Variants in FER1L5 observed in about 807,000 individuals in gnomAD.
FER1L5 encodes the protein fer-1 like family member 5, also known as fer-1-like protein 5.
FER1L5 carries 187 observed loss-of-function variants against 279.9 expected under a neutral mutation model. The observed-to-expected ratio is 0.67, with a 90% CI of 0.59 to 0.75. The LOEUF (loss-of-function observed/expected upper bound fraction) is 0.75, where lower values mean the gene tolerates loss of function less well. Ranked by LOEUF, FER1L5 falls within the 30% of genes least tolerant of loss-of-function variation. The pLI is 0.00. For synonymous variants in FER1L5, 921 were observed against 989.7 expected, an observed-to-expected ratio of 0.93 and a Z score of 1.30; for missense variants, 2,091 against 2,594.4, an observed-to-expected ratio of 0.81 and a Z score of 4.21.
chr2:96,677,559 C>A (rs891270540), intron 19 of FER1L5, among the ~76,000 whole-genome samples: 6 of 152,110 alleles, frequency 3.9e-5, no homozygotes, highest in Admixed American at 1.3e-4. Context: ...ATTGTTCCCA[C>A]CTCTTAGCTA....
intron 19 of FER1L5, among the ~76,000 whole-genome samples, chr2:96,677,664 G>A (rs1322843431): frequency 1.3e-5 from 2 of 151,934 alleles, no homozygotes; most frequent in Admixed American, 6.6e-5. Flanking sequence ...TCGGGAGTTC[G>A]AGACCAGCCT....
chr2:96,668,321 C>T (rs768013804), intron 14 of FER1L5, among the ~76,000 whole-genome samples: 4 of 151,330 alleles, frequency 2.6e-5, no homozygotes, highest in African/African-American at 4.9e-5. Flanking sequence ...CCCAGGAGTT[C>T]GAGACCAGCT....
rs2077058768 is a variant in FER1L5, at chr2:96,689,481, A to AGAGGGCCGAGGTGCACCAGGCC, written c.2525+106_2525+127dup. 6.7e-7 allele frequency: 1 copy of AGAGGGCCGAGGTGCACCAGGCC among 1,502,972 alleles called. No individual in the cohort carries two copies. Among genetic ancestry groups the AGAGGGCCGAGGTGCACCAGGCC allele is most frequent in the African/African-American group, 1.4e-5 (1 of 71,160 alleles). 93.1% of individuals were successfully genotyped at this position (1,502,972 alleles called of 1,614,324 possible). On this transcript the variant is annotated intron_variant, in intron 25 of 52. Coordinates refer to ENST00000624922, the MANE Select transcript of FER1L5 (RefSeq NM_001293083.2). This position sits in a 1 kb window ranked among gnomAD's most constrained non-coding sequence, Gnocchi z 4.6. The stretch of plus-strand genomic sequence containing the variant: ...GTACCTAGCCCCTAAGCCTGGTGCC[A>AGAGGGCCGAGGTGCACCAGGCC]GAGGGCCGAGGTGCACCAGGCCAAG...
At chr2:96,697,990 A>G (rs1382452794) in intron 39 of FER1L5, 47 bp from the exon 40 acceptor site, 2 of 1,534,016 alleles carry the variant, frequency 1.3e-6, no homozygotes, top group East Asian at 2.5e-5. Flanking sequence ...CCATCTCCTA[A>G]TCACGGGAAC....
rs77637970 is a variant in FER1L5 at position 96,658,195 on chromosome 2, T to C, written c.748-2146T>C. Among the ~76,000 whole-genome samples, 9 of 151,078 alleles carry C rather than the reference T, an allele frequency of 6.0e-5. No homozygotes were observed. The East Asian group carries it at 1.8e-3, about 30-fold the overall frequency. Reference sequence around the variant, plus strand: ...CTACGTGTGGGCTAATTTTCGTATTTTTAGTAGAGACAGGTTTTCACCATG... The same window carrying C: ...CTACGTGTGGGCTAATTTTCGTATTCTTAGTAGAGACAGGTTTTCACCATG... On this transcript the variant is annotated intron_variant, in intron 9 of 52. Transcript: ENST00000624922.
chr2:96,700,064 C>G lies in FER1L5; in HGVS notation c.4914C>G (p.Phe1638Leu). 1.2e-6 allele frequency: 2 copies of G among 1,613,842 alleles called. No homozygotes were observed. The highest frequency in any genetic ancestry group is 2.7e-5 in the African/African-American group (2 of 75,052). ...CTGTTTTCTATAATGGGAAAAAGTTCAAGCTGCAAAGCTTTGGTGAGCAGC... is the reference window on the plus strand; with the variant it reads ...CTGTTTTCTATAATGGGAAAAAGTTGAAGCTGCAAAGCTTTGGTGAGCAGC... ...EDAVFYNGKK[F>L]KLQSFEPKTP... Residue 1638 changes from phenylalanine (F) to leucine (L), a missense_variant, in exon 44 of 53, where the codon TTC (phenylalanine) becomes TTG (leucine). Physicochemically the swap from Phe to Leu is conservative, Grantham distance 22. Coordinates refer to ENST00000624922, the MANE Select transcript of FER1L5 (RefSeq NM_001293083.2).
intron 9 of FER1L5, among the ~76,000 whole-genome samples, chr2:96,659,525 T>C (rs1410929515): frequency 7.0e-6 from 1 of 143,318 alleles, no homozygotes; most frequent in Non-Finnish European, 1.5e-5. Flanking sequence ...AGAGTCTCGC[T>C]CTGTCGCCCA....
intron 19 of FER1L5, among the ~76,000 whole-genome samples, chr2:96,675,415 TA>T (rs1211669138): frequency 1.3e-5 from 2 of 152,100 alleles, no homozygotes; most frequent in African/African-American, 4.8e-5. Context: ...CAGCCTTTTT[TA>T]AAAAAATAAT....
chr2:96,694,164 A>G lies in FER1L5; in HGVS notation c.3636+92A>G, dbSNP rs991108002. 1.4e-6 allele frequency: 2 copies of G among 1,451,738 alleles called. No individual in the cohort carries two copies. Among genetic ancestry groups the G allele is most frequent in the Admixed American group, 2.4e-5 (1 of 42,458 alleles). The allele number at this position is 1,451,738 out of a possible 1,614,324, so 89.9% of individuals were successfully genotyped here. A position where few individuals can be genotyped will look rare whatever the true frequency, so the allele number is the denominator to read the frequency against. ...CAGCGGGGGCCAACTCCACCCTGTC[A>G]GGAAATGCCTGGGGCCCAGGATCCC... On this transcript the variant is annotated intron_variant, in intron 33 of 52. Coordinates refer to ENST00000624922, the MANE Select transcript of FER1L5 (RefSeq NM_001293083.2). This position sits in a 1 kb window ranked among gnomAD's most constrained non-coding sequence, Gnocchi z 4.6.
intron 5 of FER1L5, 76 bp downstream of exon 5, chr2:96,649,753 G>A: frequency 6.8e-7 from 1 of 1,464,846 alleles, no homozygotes; most frequent in Admixed American, 2.0e-5. Context: ...GGTTCTTGGG[G>A]ACCTTCAAAA....
Position 96,691,111 on chromosome 2 carries a change from G to A in FER1L5, c.2744-79G>A, listed in dbSNP as rs1485252612. The A allele has an allele frequency of 2.5e-5, 37 of 1,458,694 alleles. No homozygotes were observed. Among genetic ancestry groups the A allele is most frequent in the Non-Finnish European group, 3.0e-5 (33 of 1,095,758 alleles). 90.4% of individuals were successfully genotyped at this position (1,458,694 alleles called of 1,614,324 possible). Reference sequence around the variant, plus strand: ...TGTGAGGGAAGTAATGCCCCTCTAGGGCCTGTCTCCCGGGTTTGTCCAGGC... The same window carrying A: ...TGTGAGGGAAGTAATGCCCCTCTAGAGCCTGTCTCCCGGGTTTGTCCAGGC... On this transcript the variant is annotated intron_variant, in intron 27 of 52. Transcript: ENST00000624922. The surrounding 1 kb of genome is among the most constrained non-coding windows in gnomAD (Gnocchi z 6.0).
At chr2:96,699,467 C>A in intron 42 of FER1L5, 83 bp from the exon 43 acceptor site, 1 of 1,463,422 alleles carries the variant, frequency 6.8e-7, no homozygotes, top group Non-Finnish European at 9.3e-7. Context: ...AACAAGGGGC[C>A]TACGGGGCCG....
rs575186232 is a variant in FER1L5 at position 96,654,677 on chromosome 2, A to G, written c.747+181A>G. The G allele has an allele frequency of 8.6e-5, 30 of 347,600 alleles. No homozygotes were observed. The Admixed American group carries it at 1.3e-3, about 15-fold the overall frequency. 21.5% of individuals were successfully genotyped at this position (347,600 alleles called of 1,614,324 possible). ...CACTTTGGGAGGCCGAGGCCGGTGG[A>G]TCACGAGGTCAGGAGATCGAGACCA... On this transcript the variant is annotated intron_variant, in intron 9 of 52. Coordinates refer to ENST00000624922, the MANE Select transcript of FER1L5 (RefSeq NM_001293083.2).
At chr2:96,646,806 A>G (rs2075150668) in intron 2 of FER1L5, among the ~76,000 whole-genome samples, 1 of 151,870 alleles carries the variant, frequency 6.6e-6, no homozygotes, top group Non-Finnish European at 1.5e-5. Flanking sequence ...GCTGCCCCTC[A>G]CCCCATTCCT....
At chr2:96,644,492 A>G (rs1389652227) in intron 1 of FER1L5, among the ~76,000 whole-genome samples, 1 of 152,060 alleles carries the variant, frequency 6.6e-6, no homozygotes. Flanking sequence ...AAAGAAAGAA[A>G]GAGAGAAAGA....
At chr2:96,682,852 C>A (rs1045707890) in intron 19 of FER1L5, among the ~76,000 whole-genome samples, 6 of 152,182 alleles carry the variant, frequency 3.9e-5, no homozygotes, top group African/African-American at 1.4e-4. Context: ...GTATGAGCCA[C>A]CATGGTTGGC....
chr2:96,657,638 T>C (rs1443093367), intron 9 of FER1L5, among the ~76,000 whole-genome samples: 1 of 152,084 alleles, frequency 6.6e-6, no homozygotes, highest in African/African-American at 2.4e-5. Context: ...TATATGAACA[T>C]TTCTTTCCTA....
chr2:96,697,808 G>A, intron 39 of FER1L5, 47 bp downstream of exon 39: 1 of 1,597,996 alleles, frequency 6.3e-7, no homozygotes, highest in Non-Finnish European at 8.6e-7. Flanking sequence ...TCCCACTGGA[G>A]GAGGCCAGCA....
rs550614560 is a variant in FER1L5 at position 96,682,695 on chromosome 2, T to C, written c.1670-1632T>C. Among the ~76,000 whole-genome samples the C allele has an allele frequency of 5.6e-4, 86 of 152,344 alleles. 2 individuals carry two copies. The highest frequency in any genetic ancestry group is 5.6e-3 in the Admixed American group (86 of 15,302). On this transcript the variant is annotated intron_variant, in intron 19 of 52. Transcript: ENST00000624922. ...GACCACTTTATTTTTATTTATTTAT[T>C]TATGACCACTTTGTTTTATTGATTG...
Sources: gnomAD v4.1 joint callset for allele counts (sites outside exome capture counted in the v4.1 genomes callset) on GRCh38, gnomAD v4.1.1 for gene constraint, Gnocchi (gnomAD v3.1) non-coding constraint, MANE v1.5 for transcripts, NCBI Gene and HGNC (gene_info 2026-07-23, HGNC 2026-07-21) for gene names.